The following DEPTOR variants were observed in gnomAD, a reference collection of about 807,000 sequenced individuals.
DEPTOR encodes the protein DEP domain containing MTOR interacting protein.
A neutral mutation model predicts 41.6 loss-of-function variants in DEPTOR; 41 were observed. The observed-to-expected ratio is 0.98, with a 90% CI of 0.77 to 1.28. The LOEUF is 1.28. Ranked by LOEUF, DEPTOR falls within the 50% of genes most tolerant of loss-of-function variation. DEPTOR has a pLI of 0.00. For missense variants in DEPTOR, 514 were observed against 527.9 expected (o/e 0.97, Z 0.26); for synonymous variants, 195 against 192.3 (o/e 1.01, Z -0.12).
At chr8:119,906,152 A>G (rs1481003153) in intron 1 of DEPTOR, among the ~76,000 whole-genome samples, 1 of 150,596 alleles carries the variant, frequency 6.6e-6, no homozygotes, top group Non-Finnish European at 1.5e-5. Flanking sequence ...TCATAAATAT[A>G]CACACACACA....
chr8:120,031,225 GGGA>G (rs1249380148), intron 8 of DEPTOR, among the ~76,000 whole-genome samples: 1 of 152,026 alleles, frequency 6.6e-6, no homozygotes, highest in Non-Finnish European at 1.5e-5. Context: ...CCAGCACTTT[GGGA>G]GGCCAAGGTG....
At chr8:119,923,719 C>T (rs9987078) in intron 1 of DEPTOR, among the ~76,000 whole-genome samples, 7,409 of 151,846 alleles carry the variant, frequency 0.049, 279 homozygotes, top group South Asian at 0.15. Context: ...TCTTTGAATC[C>T]TTATTTTCTT....
chr8:119,991,663 C>T (rs1812176226), intron 4 of DEPTOR, among the ~76,000 whole-genome samples: 1 of 152,110 alleles, frequency 6.6e-6, no homozygotes, highest in South Asian at 2.1e-4. Flanking sequence ...TAACATTTAG[C>T]TCCCATTTAC....
chr8:119,965,517 T>C, intron 4 of DEPTOR, 107 bp downstream of exon 4: 1 of 1,365,848 alleles, frequency 7.3e-7, no homozygotes, highest in Non-Finnish European at 9.9e-7. Flanking sequence ...GTAAGTCAGC[T>C]GCACCTCTGC....
At chr8:119,879,926 G>A (rs1411915263) in intron 1 of DEPTOR, among the ~76,000 whole-genome samples, 1 of 152,022 alleles carries the variant, frequency 6.6e-6, no homozygotes, top group Non-Finnish European at 1.5e-5. Flanking sequence ...AGTGGATCAC[G>A]AGGTCAGGCA....
intron 8 of DEPTOR, among the ~76,000 whole-genome samples, chr8:120,041,107 A>G (rs539070798): frequency 1.1e-4 from 17 of 152,300 alleles, no homozygotes; most frequent in African/African-American, 4.1e-4. Flanking sequence ...TCAAGATCAG[A>G]AAGAAAAAAA....
intron 8 of DEPTOR, among the ~76,000 whole-genome samples, chr8:120,043,740 G>T (rs1813114163): frequency 6.6e-6 from 1 of 152,122 alleles, no homozygotes; most frequent in Admixed American, 6.6e-5. Flanking sequence ...GGCCAGGCAT[G>T]GTAGCTCATG....
intron 1 of DEPTOR, among the ~76,000 whole-genome samples, chr8:119,906,070 G>A (rs1586608458): frequency 6.6e-6 from 1 of 152,108 alleles, no homozygotes; most frequent in East Asian, 1.9e-4. Flanking sequence ...TGGGATTATA[G>A]GCATGAGCCA....
At chr8:120,013,568 T>C (rs76577150) in intron 8 of DEPTOR, among the ~76,000 whole-genome samples, 2,628 of 152,254 alleles carry the variant, frequency 0.017, 78 homozygotes, top group African/African-American at 0.058. Flanking sequence ...GTGGGAAGGA[T>C]CCGCCCACTT....
At chr8:119,982,173 G>C (rs956290794) in intron 4 of DEPTOR, among the ~76,000 whole-genome samples, 3 of 151,982 alleles carry the variant, frequency 2.0e-5, no homozygotes, top group African/African-American at 7.3e-5. Flanking sequence ...ACTTTCACTT[G>C]CTTTGGATAA....
intron 8 of DEPTOR, among the ~76,000 whole-genome samples, chr8:120,017,244 G>C (rs1054767031): frequency 2.0e-5 from 3 of 152,134 alleles, no homozygotes; most frequent in East Asian, 1.9e-4. Flanking sequence ...GCTGAAGCTG[G>C]GTGGGTAGTG....
At chr8:119,965,551 T>TG (rs1828548540) in intron 4 of DEPTOR, 141 bp downstream of exon 4, 7 of 1,102,290 alleles carry the variant, frequency 6.4e-6, no homozygotes, top group Non-Finnish European at 8.8e-6. Flanking sequence ...GTCTCCAAGT[T>TG]GGGGGTCAAA....
chr8:119,963,057 G>T (rs747239902), intron 3 of DEPTOR, among the ~76,000 whole-genome samples: 5 of 152,178 alleles, frequency 3.3e-5, no homozygotes, highest in Non-Finnish European at 7.3e-5. Context: ...CAAAGCTGTA[G>T]GGTTGGGAGT....
intron 3 of DEPTOR, among the ~76,000 whole-genome samples, chr8:119,959,544 T>C (rs78159821): frequency 6.6e-6 from 1 of 151,648 alleles, no homozygotes; most frequent in Admixed American, 6.6e-5. Context: ...TTTTTTTTTT[T>C]GAAACGGAGT....
intron 1 of DEPTOR, among the ~76,000 whole-genome samples, chr8:119,912,724 G>A (rs560416600): frequency 1.1e-4 from 17 of 152,132 alleles, no homozygotes; most frequent in Non-Finnish European, 1.9e-4. Context: ...GTTCATCCTT[G>A]TTTGGAAGCC....
At chr8:120,009,378 C>T (rs1261775540) in intron 8 of DEPTOR, among the ~76,000 whole-genome samples, 4 of 151,858 alleles carry the variant, frequency 2.6e-5, no homozygotes, top group Admixed American at 6.6e-5. Context: ...ATTCAGAGGC[C>T]AAGGCAGACA....
intron 8 of DEPTOR, among the ~76,000 whole-genome samples, chr8:120,044,241 T>C (rs902828182): frequency 4.6e-5 from 7 of 151,996 alleles, no homozygotes; most frequent in Non-Finnish European, 1.0e-4. Flanking sequence ...TTCTCCTGCC[T>C]CAGCCTCGCA....
At chr8:119,874,041 C>T in intron 1 of DEPTOR, 73 bp downstream of exon 1, 2 of 1,588,484 alleles carry the variant, frequency 1.3e-6, no homozygotes, top group Non-Finnish European at 1.7e-6. Context: ...CCTGCGCGCA[C>T]GCGCTCCCTG....
intron 4 of DEPTOR, among the ~76,000 whole-genome samples, chr8:119,997,017 T>A (rs578115414): frequency 6.6e-6 from 1 of 152,354 alleles, no homozygotes; most frequent in Admixed American, 6.5e-5. Context: ...AGCTATCATA[T>A]CAAAGTGTGA....
Sources: allele counts gnomAD v4.1 joint callset (sites outside exome capture counted in the v4.1 genomes callset), GRCh38; gene constraint gnomAD v4.1.1; transcripts MANE v1.5; gene names NCBI Gene and HGNC (gene_info 2026-07-23, HGNC 2026-07-21).